Variants in ANKRD17 observed in about 807,000 individuals in gnomAD.
ANKRD17 encodes the protein ankyrin repeat domain 17, also known as ankyrin repeat domain-containing protein 17.
In ANKRD17, 19 loss-of-function variants were observed where a neutral mutation model predicts 229.7. The ratio of observed to expected loss-of-function variants is 0.08; its 90% CI spans 0.06 to 0.12. The LOEUF is 0.12. Among genes scored for constraint, ANKRD17 ranks in the 10% least tolerant of loss-of-function variants. ANKRD17 has a pLI of 1.00. For synonymous variants in ANKRD17, 1,112 were observed against 1,146.1 expected (o/e 0.97, Z 0.60); for missense variants, 2,176 against 3,176.8 (o/e 0.68, Z 7.57).
At chr4:73,181,907 G>A (rs1348627629) in intron 1 of ANKRD17, among the ~76,000 whole-genome samples, 1 of 151,130 alleles carries the variant, frequency 6.6e-6, no homozygotes, top group African/African-American at 2.4e-5. Flanking sequence ...AATTAGCCAG[G>A]CATGGTGGTG....
At chr4:73,120,819 C>A in intron 20 of ANKRD17, 62 bp downstream of exon 20, 1 of 1,409,226 alleles carries the variant, frequency 7.1e-7, no homozygotes, top group Non-Finnish European at 9.7e-7. Flanking sequence ...CAACATGTTG[C>A]TACTATATAT....
chr4:73,192,234 T>A (rs1438788584), intron 1 of ANKRD17, among the ~76,000 whole-genome samples: 4 of 152,072 alleles, frequency 2.6e-5, no homozygotes, highest in African/African-American at 9.6e-5. Context: ...ATCCCCTGTA[T>A]CTAGAATAGT....
Position 73,078,657 on chromosome 4 carries a change from T to A in ANKRD17, c.7393A>T (p.Ile2465Phe). ...AATATCCTACCTTGATTGCCACCAA[T>A]CCCTTCAAAGGACCAGATGCCACTA... The part of the protein sequence containing the change: ...GHSGIWSFEG[I>F]GGNQDKVDWC... The change falls in exon 31 of 34, where the codon ATT (isoleucine) becomes TTT (phenylalanine). Residue 2465 changes from isoleucine (I) to phenylalanine (F), a missense_variant. Coordinates refer to ENST00000358602, the MANE Select transcript of ANKRD17 (RefSeq NM_032217.5). The A allele has an allele frequency of 6.2e-7, 1 of 1,614,096 alleles. No homozygotes were observed. The highest frequency in any genetic ancestry group is 8.5e-7 in the Non-Finnish European group (1 of 1,179,956).
chr4:73,185,482 TCAGTC>T (rs1736170220), intron 1 of ANKRD17, among the ~76,000 whole-genome samples: 5 of 152,074 alleles, frequency 3.3e-5, no homozygotes, highest in Admixed American at 3.3e-4. Context: ...GAAGTTATCT[TCAGTC>T]AAAAATTTAC....
chr4:73,248,048 A>G (rs1173104295), intron 1 of ANKRD17, among the ~76,000 whole-genome samples: 1 of 151,992 alleles, frequency 6.6e-6, no homozygotes, highest in Non-Finnish European at 1.5e-5. Context: ...TTCATCCTAC[A>G]CTGTCTTGTA....
At chr4:73,079,319 A>G (rs1721314049) in intron 30 of ANKRD17, among the ~76,000 whole-genome samples, 1 of 152,228 alleles carries the variant, frequency 6.6e-6, no homozygotes, top group Admixed American at 6.5e-5. Flanking sequence ...AGATTCAGCT[A>G]TCTAATAAAT....
At chr4:73,256,837 T>C (rs887557985) in intron 1 of ANKRD17, among the ~76,000 whole-genome samples, 2 of 152,164 alleles carry the variant, frequency 1.3e-5, no homozygotes, top group Non-Finnish European at 2.9e-5. Context: ...TCCAACAGGC[T>C]AAAAGGGAAT....
Position 73,092,258 on chromosome 4 carries a change from A to G in ANKRD17, c.5370T>C (p.Asn1790=), listed in dbSNP as rs192150373. The G allele has an allele frequency of 9.6e-5, 155 of 1,614,150 alleles. 1 individual carries two copies. In the East Asian group the frequency reaches 2.3e-3, roughly 23 times the overall value. Residue 1790 remains asparagine, a synonymous_variant, in exon 29 of 34, where the codon AAT becomes AAC. Transcript: ENST00000358602. ...CTTTGTCTGGATCCTTGATCAAAGCATTAATCAATTGAGTTGCTTGTCTTG... is the reference window on the plus strand; with the variant it reads ...CTTTGTCTGGATCCTTGATCAAAGCGTTAATCAATTGAGTTGCTTGTCTTG... ...ESTRQATQLI[N]ALIKDPDKEI...
At chr4:73,160,453 A>C (rs1192689701) in intron 3 of ANKRD17, among the ~76,000 whole-genome samples, 1 of 152,084 alleles carries the variant, frequency 6.6e-6, no homozygotes, top group Non-Finnish European at 1.5e-5. Context: ...TCCTGACCTC[A>C]GGTGATCCGC....
In ANKRD17 at chr4:73,258,307, T is replaced by C; in HGVS notation, c.362A>G (p.Asp121Gly). The change falls in exon 1 of 34, where the codon GAC becomes GGC. Residue 121 changes from aspartate to glycine, a missense_variant. This residue lies in a region of ANKRD17 where 196 missense variants were observed against 190.0 expected (regional missense o/e 1.03). Transcript: ENST00000358602. ...TSSNNSEEEE[D>G]DDDEEEEVSE... ...AACCTCCTCTTCCTCGTCGTCGTCGTCCTCTTCTTCCTCGCTGTTGTTACT... is the reference window on the plus strand; with the variant it reads ...AACCTCCTCTTCCTCGTCGTCGTCGCCCTCTTCTTCCTCGCTGTTGTTACT... 6.2e-7 allele frequency: 1 copy of C among 1,613,796 alleles called. No homozygotes were observed. Among genetic ancestry groups the C allele is most frequent in the Non-Finnish European group, 8.5e-7 (1 of 1,180,002 alleles).
chr4:73,194,911 C>T (rs570608058), intron 1 of ANKRD17, among the ~76,000 whole-genome samples: 2 of 151,936 alleles, frequency 1.3e-5, no homozygotes, highest in African/African-American at 2.4e-5. Flanking sequence ...AGATATATGC[C>T]TAAGTGTTTC....
At chr4:73,099,269 AC>A in intron 25 of ANKRD17, 3 of 517,874 alleles carry the variant, frequency 5.8e-6, no homozygotes, top group South Asian at 1.8e-5. Context: ...TCCGGCTGCC[AC>A]CCCCATCCTT....
intron 22 of ANKRD17, among the ~76,000 whole-genome samples, chr4:73,118,151 G>A (rs1456108041): frequency 1.3e-5 from 2 of 151,876 alleles, no homozygotes; most frequent in East Asian, 3.9e-4. Flanking sequence ...TGAGTAGCTG[G>A]GACTATTAGC....
chr4:73,170,542 CG>C lies in ANKRD17; in HGVS notation c.547+6837del, dbSNP rs553933415. Among the ~76,000 whole-genome samples the C allele has an allele frequency of 3.8e-3, 523 of 136,700 alleles. 3 individuals are homozygous for C. Among genetic ancestry groups the C allele is most frequent in the Non-Finnish European group, 6.2e-3 (385 of 62,078 alleles). The allele number at this position is 136,700 out of a possible 152,430, so 89.7% of individuals were successfully genotyped here. ...TGACAGCACAGTTGGGGTCGGGGGG[CG>C]GGGGGCTGTTAAGTAGAAAGTGGAC... On this transcript the variant is annotated intron_variant, in intron 2 of 33. Transcript: ENST00000358602.
In ANKRD17 at chr4:73,110,105, T is replaced by C. The variant is rs191890506; in HGVS notation, c.4401+3687A>G. 2.6e-3 allele frequency among the ~76,000 whole-genome samples: 347 copies of C among 135,696 alleles called. 3 individuals are homozygous for C. The highest frequency in any genetic ancestry group is 8.9e-3 in the African/African-American group (321 of 36,096). 89.0% of individuals were successfully genotyped at this position (135,696 alleles called of 152,430 possible). A position where few individuals can be genotyped will look rare whatever the true frequency, so the allele number is the denominator to read the frequency against. On this transcript the variant is annotated intron_variant, in intron 24 of 33. Coordinates refer to ENST00000358602, the MANE Select transcript of ANKRD17 (RefSeq NM_032217.5). ...GTAGAGGAAAAAAACTAAAATGAAG[T>C]GAAGGGGGTGAAATAATTATATCAA...
intron 2 of ANKRD17, among the ~76,000 whole-genome samples, chr4:73,166,129 G>A (rs926498182): frequency 6.6e-6 from 1 of 152,206 alleles, no homozygotes; most frequent in Non-Finnish European, 1.5e-5. Flanking sequence ...ATGCTGTACA[G>A]TGAAATGAAC....
intron 4 of ANKRD17, 83 bp from the exon 5 acceptor site, chr4:73,155,861 T>A: frequency 6.6e-7 from 1 of 1,508,020 alleles, no homozygotes; most frequent in Non-Finnish European, 9.0e-7. Context: ...AACGTCTACC[T>A]AGTCATAGTA....
At chr4:73,079,056 C>T (rs1435884723) in intron 30 of ANKRD17, among the ~76,000 whole-genome samples, 166 bp from the exon 31 acceptor site, 2 of 152,130 alleles carry the variant, frequency 1.3e-5, no homozygotes, top group African/African-American at 4.8e-5. Flanking sequence ...GCTAAAGTTC[C>T]ATGACTTCAA....
At chr4:73,180,507 A>G (rs1187086437) in intron 1 of ANKRD17, among the ~76,000 whole-genome samples, 1 of 152,174 alleles carries the variant, frequency 6.6e-6, no homozygotes, top group Non-Finnish European at 1.5e-5. Context: ...TAATAAACAC[A>G]GAAACATTTA....
Sources: allele counts gnomAD v4.1 joint callset (sites outside exome capture counted in the v4.1 genomes callset), GRCh38; gene constraint gnomAD v4.1.1; regional missense constraint gnomAD v4.1.1; transcripts MANE v1.5; gene names NCBI Gene and HGNC (gene_info 2026-07-23, HGNC 2026-07-21).